PDE4D: variants seen among roughly 807,000 people sequenced by gnomAD.
The protein encoded by PDE4D is 3',5'-cyclic-AMP phosphodiesterase 4D.
Under a neutral mutation model 87.4 loss-of-function variants are expected in PDE4D, and 24 were observed. The observed-to-expected ratio is 0.27, with a 90% CI of 0.20 to 0.39. PDE4D has a LOEUF of 0.39. Among genes scored for constraint, PDE4D ranks in the 10% least tolerant of loss-of-function variants. PDE4D has a pLI of 1.00. For missense variants in PDE4D, 714 were observed against 1,041.0 expected (o/e 0.69, Z 4.32); for synonymous variants, 384 against 383.2 (o/e 1.00, Z -0.02).
intron 1 of PDE4D, among the ~76,000 whole-genome samples, chr5:59,431,283 G>T (rs1243831001): frequency 6.6e-6 from 1 of 152,034 alleles, no homozygotes; most frequent in South Asian, 2.1e-4. Context: ...AAGGCAGCAG[G>T]GTCTTAGAGA....
chr5:60,125,184 G>C (rs1779024483), intron 2 of PDE4D, among the ~76,000 whole-genome samples: 1 of 152,088 alleles, frequency 6.6e-6, no homozygotes, highest in African/African-American at 2.4e-5. Context: ...TGATATATCT[G>C]AATGAATGTA....
intron 1 of PDE4D, among the ~76,000 whole-genome samples, chr5:59,836,698 TATCTGTCTATCTATC>T (rs1416226984): frequency 6.6e-6 from 1 of 151,916 alleles, no homozygotes; most frequent in Non-Finnish European, 1.5e-5. Flanking sequence ...TCTATCTATG[TATCTGTCTATCTATC>T]ATCTGTCTAA....
chr5:59,809,937 A>T (rs887824531), intron 1 of PDE4D, among the ~76,000 whole-genome samples: 1 of 152,220 alleles, frequency 6.6e-6, no homozygotes, highest in Non-Finnish European at 1.5e-5. Context: ...ATCGTTTATT[A>T]TTACAAAGAA....
At chr5:59,584,108 G>A (rs745543826) in intron 1 of PDE4D, among the ~76,000 whole-genome samples, 5 of 152,158 alleles carry the variant, frequency 3.3e-5, no homozygotes, top group South Asian at 2.1e-4. Context: ...TTCTAAGCAC[G>A]ATAATTCACG....
chr5:59,120,343 C>A (rs565903791), intron 5 of PDE4D, among the ~76,000 whole-genome samples: 1 of 152,210 alleles, frequency 6.6e-6, no homozygotes, highest in South Asian at 2.1e-4. Context: ...CAAGTGGTAG[C>A]CCCATGACGT....
chr5:60,292,215 T>C (rs2149774440), intron 1 of PDE4D, among the ~76,000 whole-genome samples: 1 of 152,302 alleles, frequency 6.6e-6, no homozygotes, highest in South Asian at 2.1e-4. Flanking sequence ...AATAATACCA[T>C]GCAGCCAAAA....
At chr5:59,726,087 T>C (rs1756556160) in intron 1 of PDE4D, among the ~76,000 whole-genome samples, 1 of 152,140 alleles carries the variant, frequency 6.6e-6, no homozygotes, top group African/African-American at 2.4e-5. Flanking sequence ...CTTCAACATA[T>C]ACATTTCTCT....
chr5:60,246,273 G>A (rs964502101), intron 1 of PDE4D, among the ~76,000 whole-genome samples: 13 of 151,580 alleles, frequency 8.6e-5, no homozygotes, highest in Non-Finnish European at 1.8e-4. Flanking sequence ...TGACTCATGA[G>A]TTGTTTAGAC....
intron 6 of PDE4D, among the ~76,000 whole-genome samples, chr5:59,001,047 G>T (rs916504972): frequency 6.6e-6 from 1 of 152,114 alleles, no homozygotes; most frequent in Middle Eastern, 3.2e-3. Context: ...TGGCTCTTAG[G>T]AATCCAGAAT....
At chr5:59,166,015 C>T (rs1781872073) in intron 5 of PDE4D, among the ~76,000 whole-genome samples, 2 of 152,128 alleles carry the variant, frequency 1.3e-5, no homozygotes, top group South Asian at 4.1e-4. Context: ...CCTCCAGCAC[C>T]CCCACCACCA....
intron 2 of PDE4D, among the ~76,000 whole-genome samples, chr5:59,200,344 C>T (rs1372955584): frequency 9.1e-6 from 1 of 109,792 alleles, no homozygotes; most frequent in Non-Finnish European, 1.8e-5. Context: ...TGTACAGCTA[C>T]ACGTATACAT....
At chr5:59,651,961 A>G (rs913713143) in intron 1 of PDE4D, among the ~76,000 whole-genome samples, 2 of 152,216 alleles carry the variant, frequency 1.3e-5, no homozygotes, top group Non-Finnish European at 2.9e-5. Context: ...TTGTTCCAGC[A>G]TCTACTATCA....
intron 1 of PDE4D, among the ~76,000 whole-genome samples, chr5:60,464,845 T>C (rs1479403210): frequency 1.3e-5 from 2 of 152,182 alleles, no homozygotes; most frequent in Non-Finnish European, 2.9e-5. Flanking sequence ...CTCACACCTG[T>C]AATCCCAGTA....
chr5:59,784,913 C>G (rs549955013), intron 1 of PDE4D, among the ~76,000 whole-genome samples: 1 of 151,642 alleles, frequency 6.6e-6, no homozygotes, highest in African/African-American at 2.4e-5. Flanking sequence ...CATGGTTTTT[C>G]TCTCATTTTC....
chr5:59,836,884 T>C (rs186396461), intron 1 of PDE4D, among the ~76,000 whole-genome samples: 2 of 152,020 alleles, frequency 1.3e-5, no homozygotes, highest in African/African-American at 2.4e-5. Flanking sequence ...ATTCTCATCA[T>C]ACATCCTGGT....
At chr5:59,347,663 A>G (rs1247867963) in intron 1 of PDE4D, among the ~76,000 whole-genome samples, 1 of 152,128 alleles carries the variant, frequency 6.6e-6, no homozygotes, top group Non-Finnish European at 1.5e-5. Context: ...AAACAATGTA[A>G]TAGAAAGTAT....
At chr5:60,483,666 G>A (rs1459122853) in intron 1 of PDE4D, among the ~76,000 whole-genome samples, 1 of 151,938 alleles carries the variant, frequency 6.6e-6, no homozygotes, top group African/African-American at 2.4e-5. Flanking sequence ...ATCACCAAAG[G>A]CACAAAAAAG....
intron 2 of PDE4D, among the ~76,000 whole-genome samples, chr5:60,062,388 C>T (rs1283108869): frequency 2.0e-5 from 3 of 151,946 alleles, no homozygotes; most frequent in Non-Finnish European, 2.9e-5. Flanking sequence ...GTCAGAATGG[C>T]GCTTATTAAA....
At chr5:60,097,265 TTGTGTGTG>T (rs57591657) in intron 2 of PDE4D, among the ~76,000 whole-genome samples, 1 of 146,480 alleles carries the variant, frequency 6.8e-6, no homozygotes, top group African/African-American at 2.5e-5. Context: ...TGCTATGAAG[TTGTGTGTG>T]TGTGTGTGTG....
Sources: allele counts gnomAD v4.1 joint callset (sites outside exome capture counted in the v4.1 genomes callset), GRCh38; gene constraint gnomAD v4.1.1; transcripts MANE v1.5; gene names NCBI Gene and HGNC (gene_info 2026-07-23, HGNC 2026-07-21).